The following PRELID2 variants were observed in gnomAD, a reference collection of about 807,000 sequenced individuals.
PRELID2 encodes PRELI domain containing 2, also known as PRELI domain-containing protein 2.
In PRELID2, 25 loss-of-function variants were observed where a neutral mutation model predicts 28.4. The ratio of observed to expected loss-of-function variants is 0.88; its 90% CI spans 0.64 to 1.23. The LOEUF is 1.23. Among genes scored for constraint, PRELID2 ranks in the 50% most tolerant of loss-of-function variants. PRELID2 has a pLI of 0.00. For synonymous variants in PRELID2, 76 were observed against 71.6 expected (o/e 1.06, Z -0.31); for missense variants, 201 against 214.4 (o/e 0.94, Z 0.39).
the PRELID2 span, among the ~76,000 whole-genome samples, chr5:145,439,327 C>A: frequency 1.3e-5 from 2 of 152,164 alleles, no homozygotes; most frequent in African/African-American, 4.8e-5. Flanking sequence ...TCTGGCGCAT[C>A]AGCAACTCAG....
At chr5:145,595,114 C>T (rs926125031) in intron 1 of PRELID2, among the ~76,000 whole-genome samples, 5 of 140,228 alleles carry the variant, frequency 3.6e-5, no homozygotes, top group Non-Finnish European at 7.6e-5. Context: ...GGCGACAGAG[C>T]CATCTCAAAA....
the PRELID2 span, among the ~76,000 whole-genome samples, chr5:145,238,585 A>C: frequency 6.6e-6 from 1 of 152,240 alleles, no homozygotes; most frequent in South Asian, 2.1e-4. Context: ...TAAATGACTA[A>C]ATGAATGAAA....
At chr5:145,416,991 A>C in the PRELID2 span, among the ~76,000 whole-genome samples, 1 of 152,004 alleles carries the variant, frequency 6.6e-6, no homozygotes, top group Non-Finnish European at 1.5e-5. Context: ...TTTTGAAAAA[A>C]TTAATAAAAC....
chr5:145,666,555 C>G (rs759029089), intron 1 of PRELID2, among the ~76,000 whole-genome samples: 3 of 152,052 alleles, frequency 2.0e-5, no homozygotes, highest in Non-Finnish European at 4.4e-5. Flanking sequence ...CTTTTCCCCA[C>G]CAAACTGAGC....
At chr5:145,681,290 T>C (rs1371311797) in intron 1 of PRELID2, among the ~76,000 whole-genome samples, 2 of 152,240 alleles carry the variant, frequency 1.3e-5, no homozygotes, top group African/African-American at 2.4e-5. Flanking sequence ...TTTCCTTTGC[T>C]TCTGCTACCA....
At chr5:145,382,524 A>G in the PRELID2 span, among the ~76,000 whole-genome samples, 1 of 152,204 alleles carries the variant, frequency 6.6e-6, no homozygotes, top group African/African-American at 2.4e-5. Context: ...ATGGCAGATA[A>G]CTTTTTGTCA....
chr5:145,463,102 G>A, the PRELID2 span, among the ~76,000 whole-genome samples: 43 of 151,978 alleles, frequency 2.8e-4, no homozygotes, highest in South Asian at 8.3e-4. Flanking sequence ...TTAATTATGT[G>A]GAACTAAATT....
the PRELID2 span, among the ~76,000 whole-genome samples, chr5:145,240,657 G>A: frequency 6.6e-6 from 1 of 151,734 alleles, no homozygotes; most frequent in African/African-American, 2.4e-5. Context: ...TTTATTTGAG[G>A]GTTTCTTTAA....
intron 1 of PRELID2, among the ~76,000 whole-genome samples, chr5:145,585,658 A>C (rs1185892327): frequency 6.6e-6 from 1 of 152,146 alleles, no homozygotes; most frequent in African/African-American, 2.4e-5. Context: ...CACATACTAA[A>C]CAATAAACGA....
At chr5:145,827,770 G>A (rs899569146) in intron 1 of PRELID2, among the ~76,000 whole-genome samples, 3 of 152,096 alleles carry the variant, frequency 2.0e-5, no homozygotes, top group East Asian at 3.9e-4. Context: ...ACCATGGTCC[G>A]GAAATGCAAG....
chr5:145,320,822 G>T, the PRELID2 span, among the ~76,000 whole-genome samples: 1 of 152,088 alleles, frequency 6.6e-6, no homozygotes, highest in Non-Finnish European at 1.5e-5. Context: ...ATTTATGTGT[G>T]CAATCCAATT....
At chr5:145,430,708 C>T in the PRELID2 span, among the ~76,000 whole-genome samples, 2 of 152,166 alleles carry the variant, frequency 1.3e-5, no homozygotes, top group Non-Finnish European at 1.5e-5. Flanking sequence ...TATATATCCT[C>T]GCCCAGGACT....
intron 1 of PRELID2, among the ~76,000 whole-genome samples, chr5:145,679,615 T>G (rs1240067574): frequency 1.3e-5 from 2 of 152,114 alleles, no homozygotes; most frequent in Admixed American, 1.3e-4. Context: ...AGATGCTCAG[T>G]AAATACTTCT....
At chr5:145,263,428 G>T in the PRELID2 span, among the ~76,000 whole-genome samples, 1 of 151,774 alleles carries the variant, frequency 6.6e-6, no homozygotes, top group Non-Finnish European at 1.5e-5. Flanking sequence ...TAGACCATAC[G>T]CTAGGTCATA....
the PRELID2 span, among the ~76,000 whole-genome samples, chr5:145,392,250 TC>T: frequency 6.6e-6 from 1 of 151,742 alleles, no homozygotes; most frequent in African/African-American, 2.4e-5. Context: ...TGGGGAGGCC[TC>T]AGGAAACTTA....
chr5:145,816,941 A>C (rs536699443), intron 4 of PRELID2, among the ~76,000 whole-genome samples: 77 of 152,026 alleles, frequency 5.1e-4, no homozygotes, highest in African/African-American at 1.8e-3. Context: ...TAGGAGAATC[A>C]CTTGAGCCAG....
At chr5:145,478,234 C>T (rs146161048) in intron 1 of PRELID2, among the ~76,000 whole-genome samples, 42 of 152,146 alleles carry the variant, frequency 2.8e-4, no homozygotes, top group African/African-American at 9.6e-4. Flanking sequence ...ACACACAGAA[C>T]TTCAAAGACT....
the PRELID2 span, among the ~76,000 whole-genome samples, chr5:145,298,817 A>C: frequency 6.6e-6 from 1 of 152,304 alleles, no homozygotes; most frequent in South Asian, 2.1e-4. Flanking sequence ...TATACATTTT[A>C]AAGTTATATA....
chr5:145,677,308 C>T (rs187655611), intron 1 of PRELID2, among the ~76,000 whole-genome samples: 2 of 151,866 alleles, frequency 1.3e-5, no homozygotes, highest in Non-Finnish European at 2.9e-5. Context: ...CCGTGTGCCA[C>T]CACGCCCAGC....
Sources: allele counts gnomAD v4.1 joint callset (sites outside exome capture counted in the v4.1 genomes callset), GRCh38; gene constraint gnomAD v4.1.1; transcripts MANE v1.5; gene names NCBI Gene and HGNC (gene_info 2026-07-23, HGNC 2026-07-21).